Variants in EDA observed in about 807,000 individuals in gnomAD.
EDA encodes the protein ectodysplasin A, also known as ectodysplasin-A.
EDA carries 2 observed loss-of-function variants against 23.6 expected under a neutral mutation model. That is an observed-to-expected ratio of 0.08 (90% CI 0.03 to 0.27). EDA has a LOEUF of 0.27. Ranked by LOEUF, EDA falls within the 10% of genes least tolerant of loss-of-function variation. EDA has a pLI of 1.00. For missense variants in EDA, 229 were observed against 324.2 expected, an observed-to-expected ratio of 0.71 and a Z score of 2.26; for synonymous variants, 131 against 132.0, an observed-to-expected ratio of 0.99 and a Z score of 0.05.
intron 1 of EDA, among the ~76,000 whole-genome samples, chrX:69,730,991 A>G (rs745319983): frequency 1.5e-4 from 17 of 112,580 alleles, no homozygotes; most frequent in Non-Finnish European, 3.0e-4. Context: ...AAACCATGTC[A>G]ACCTGAAATT....
intron 1 of EDA, among the ~76,000 whole-genome samples, chrX:69,637,483 G>A (rs1932790715): frequency 9.0e-6 from 1 of 111,328 alleles, no homozygotes; most frequent in Non-Finnish European, 1.9e-5. Context: ...ATTGGGTTCT[G>A]TAACTGACCT....
In EDA at chrX:69,723,968, A is replaced by T. The variant is rs6625506; in HGVS notation, c.396+107264A>T. ...TAACTCTAACCTTTGAGTGTTCTAG[A>T]TTGCTTTTGAGGGCCATCCTTGGTG... On this transcript the variant is annotated intron_variant, in intron 1 of 7. Coordinates refer to ENST00000374552, the MANE Select transcript of EDA (RefSeq NM_001399.5). Among the ~76,000 whole-genome samples, 210 of 111,673 alleles carry T rather than the reference A, an allele frequency of 1.9e-3. 2 individuals are homozygous for T. The East Asian group carries it at 0.056, about 30-fold the overall frequency.
Position 69,709,850 on chromosome X carries a change from T to G in EDA, c.396+93146T>G, listed in dbSNP as rs961286796. ...ATTAAGAAAATTGTAGATTCTTTTT[T>G]TTTTCTTGTAAATTTGTTTGAGTTC... On this transcript the variant is annotated intron_variant, in intron 1 of 7. Transcript: ENST00000374552. 2.3e-4 allele frequency among the ~76,000 whole-genome samples: 26 copies of G among 111,543 alleles called. No individual in the cohort carries two copies. The Admixed American group carries it at 2.4e-3, about 10-fold the overall frequency.
chrX:69,670,364 G>A, intron 1 of EDA: 1 of 335,510 alleles, frequency 3.0e-6, no homozygotes, highest in South Asian at 1.1e-4. Flanking sequence ...TTTGATGATA[G>A]TGTACCTTAG....
At chrX:69,783,448 C>T (rs1269100911) in intron 1 of EDA, among the ~76,000 whole-genome samples, 1 of 100,675 alleles carries the variant, frequency 9.9e-6, no homozygotes, top group Non-Finnish European at 2.0e-5. Context: ...TCCCCCAACC[C>T]CACAACAGTC....
chrX:69,972,606 C>G (rs779856284), intron 2 of EDA, among the ~76,000 whole-genome samples: 1 of 111,958 alleles, frequency 8.9e-6, no homozygotes, highest in Non-Finnish European at 1.9e-5. Context: ...GACCTGGGTT[C>G]AAGTTGTAAG....
chrX:69,779,616 T>C (rs939335362), intron 1 of EDA, among the ~76,000 whole-genome samples: 2 of 111,638 alleles, frequency 1.8e-5, no homozygotes, highest in African/African-American at 6.5e-5. Flanking sequence ...GGTGGTTGCA[T>C]AAGATTTTGA....
chrX:69,958,862 A>G (rs868149179), intron 2 of EDA, among the ~76,000 whole-genome samples: 9 of 110,842 alleles, frequency 8.1e-5, no homozygotes, highest in Non-Finnish European at 1.7e-4. Flanking sequence ...TACTCCCACA[A>G]CCATCAAACT....
In EDA at chrX:70,033,471, C is replaced by T. The variant is rs1471642587; in HGVS notation, c.867C>T (p.Arg289=). 2.5e-6 allele frequency: 3 copies of T among 1,211,882 alleles called. No individual in the cohort carries two copies. Among genetic ancestry groups the T allele is most frequent in the Admixed American group, 4.3e-5 (2 of 46,103 alleles). ...CCAAGGTGTTTAAGCTACATCCCCG[C>T]AGCGGGGAGCTGGAGGTACTGGTGG... ...MNPKVFKLHP[R]SGELEVLVDG... Residue 289 remains arginine, a synonymous_variant, in exon 7 of 8, where the codon CGC becomes CGT. Coordinates refer to ENST00000374552, the MANE Select transcript of EDA (RefSeq NM_001399.5).
At position 69,645,592 on chromosome X, in the gene EDA, ATGTGTGTG is replaced by A. The variant is rs1201821188; in HGVS notation, c.396+28892_396+28899del. On this transcript the variant is annotated intron_variant, in intron 1 of 7. Coordinates refer to ENST00000374552, the MANE Select transcript of EDA (RefSeq NM_001399.5). ...TTAGTTCTCTAGTTCTTTTATATAT[ATGTGTGTG>A]TGTATATATATATATGTGTGTGTAT... Among the ~76,000 whole-genome samples, 89 of 47,453 alleles carry A rather than the reference ATGTGTGTG, an allele frequency of 1.9e-3. 5 individuals carry two copies. Among genetic ancestry groups the A allele is most frequent in the East Asian group, 0.056 (2 of 36 alleles). 41.2% of individuals were successfully genotyped at this position (47,453 alleles called of 115,157 possible).
chrX:69,754,031 C>CCA (rs1283785455), intron 1 of EDA, among the ~76,000 whole-genome samples: 1 of 110,575 alleles, frequency 9.0e-6, no homozygotes, highest in East Asian at 2.8e-4. Flanking sequence ...ATCCAATTTG[C>CCA]GTCTGTGTCT....
chrX:69,695,770 G>C (rs1602304621), intron 1 of EDA, among the ~76,000 whole-genome samples: 1 of 109,047 alleles, frequency 9.2e-6, no homozygotes, highest in East Asian at 3.0e-4. Context: ...GCCTCCCAAA[G>C]TGCTGGGATT....
intron 1 of EDA, among the ~76,000 whole-genome samples, chrX:69,805,000 A>G (rs2015781319): frequency 9.0e-6 from 1 of 111,492 alleles, no homozygotes; most frequent in African/African-American, 3.2e-5. Flanking sequence ...CCAAGGTCAT[A>G]AAGTAGCACT....
chrX:69,701,475 C>T (rs1213703487), intron 1 of EDA, among the ~76,000 whole-genome samples: 1 of 112,006 alleles, frequency 8.9e-6, no homozygotes, highest in African/African-American at 3.2e-5. Flanking sequence ...GCCTGCAGGG[C>T]CCCTTATGGT....
chrX:69,823,652 G>C (rs1202348208), intron 1 of EDA, among the ~76,000 whole-genome samples: 5 of 95,315 alleles, frequency 5.2e-5, no homozygotes, highest in Admixed American at 1.2e-4. Context: ...TAGGTTGCCT[G>C]TTCACTCTGA....
At chrX:69,780,772 C>T (rs2014918384) in intron 1 of EDA, among the ~76,000 whole-genome samples, 1 of 111,060 alleles carries the variant, frequency 9.0e-6, no homozygotes, top group Admixed American at 9.7e-5. Context: ...CTCTTTCATC[C>T]TTCCACCAAG....
chrX:69,970,061 G>A (rs1232459096), intron 2 of EDA, among the ~76,000 whole-genome samples: 1 of 111,636 alleles, frequency 9.0e-6, no homozygotes, highest in Non-Finnish European at 1.9e-5. Flanking sequence ...AGCTATGACT[G>A]CACCACTGCA....
chrX:69,888,710 T>TC (rs2017867266), intron 1 of EDA, among the ~76,000 whole-genome samples: 2 of 106,456 alleles, frequency 1.9e-5, no homozygotes, highest in African/African-American at 6.8e-5. Context: ...AAGCAGGTAA[T>TC]TATATAATGA....
chrX:69,847,603 A>T (rs1289959299), intron 1 of EDA, among the ~76,000 whole-genome samples: 4 of 111,818 alleles, frequency 3.6e-5, no homozygotes, highest in Admixed American at 1.9e-4. Flanking sequence ...AATGCCTTTG[A>T]GATTCATCTA....
Sources: allele counts gnomAD v4.1 joint callset (sites outside exome capture counted in the v4.1 genomes callset), GRCh38; gene constraint gnomAD v4.1.1; transcripts MANE v1.5; gene names NCBI Gene and HGNC (gene_info 2026-07-23, HGNC 2026-07-21).